Variants in CCDC122 observed in about 807,000 individuals in gnomAD.
CCDC122 encodes the protein coiled-coil domain containing 122, also known as coiled-coil domain-containing protein 122.
In CCDC122, 38 loss-of-function variants were observed where a neutral mutation model predicts 37.0. The observed-to-expected ratio is 1.03, with a 90% confidence interval of 0.79 to 1.35. CCDC122 has a LOEUF of 1.35. CCDC122 is among the 40% of genes most tolerant of loss of function. CCDC122 has a pLI of 0.00. For missense variants in CCDC122, 305 were observed against 310.0 expected (o/e 0.98, Z 0.12); for synonymous variants, 83 against 95.6 (o/e 0.87, Z 0.77).
At chr13:43,848,958 T>C (rs1953633240) in intron 6 of CCDC122, 1 of 963,494 alleles carries the variant, frequency 1.0e-6, no homozygotes, top group Non-Finnish European at 1.2e-6. Context: ...AAAAACTGGT[T>C]GTTTTGAGAA....
At chr13:43,864,410 C>A (rs1954208441) in intron 4 of CCDC122, among the ~76,000 whole-genome samples, 1 of 152,074 alleles carries the variant, frequency 6.6e-6, no homozygotes, top group African/African-American at 2.4e-5. Context: ...GCCCATGATT[C>A]TGATGGCTGG....
intron 6 of CCDC122, among the ~76,000 whole-genome samples, chr13:43,847,886 C>T (rs1158584678): frequency 6.6e-6 from 1 of 152,112 alleles, no homozygotes; most frequent in East Asian, 1.9e-4. Context: ...GCAATCCTTC[C>T]ACCTCAGCCT....
chr13:43,846,502 G>A (rs1228151650), intron 6 of CCDC122, among the ~76,000 whole-genome samples: 1 of 152,148 alleles, frequency 6.6e-6, no homozygotes, highest in African/African-American at 2.4e-5. Context: ...AATTACTGGT[G>A]GATCATCTTG....
intron 1 of CCDC122, 136 bp from the exon 2 acceptor site, chr13:43,875,063 A>G (rs1954568004): frequency 6.6e-6 from 1 of 152,224 alleles, no homozygotes; most frequent in Non-Finnish European, 1.5e-5. Context: ...ATGTATAGAC[A>G]GTACTGGACT....
At chr13:43,865,069 GC>G (rs1052656190) in intron 4 of CCDC122, among the ~76,000 whole-genome samples, 6 of 152,006 alleles carry the variant, frequency 3.9e-5, no homozygotes, top group Non-Finnish European at 8.8e-5. Context: ...CTCCTTGCAG[GC>G]CCCCTCCCAC....
intron 1 of CCDC122, among the ~76,000 whole-genome samples, chr13:43,876,416 G>A (rs1954612673): frequency 6.6e-6 from 1 of 152,140 alleles, no homozygotes; most frequent in Admixed American, 6.5e-5. Context: ...TCCCTTAATA[G>A]CCAGGCACTA....
intron 6 of CCDC122, among the ~76,000 whole-genome samples, 171 bp from the exon 7 acceptor site, chr13:43,837,600 T>C (rs755679010): frequency 6.7e-6 from 1 of 149,670 alleles, no homozygotes; most frequent in African/African-American, 2.6e-5. Context: ...TCAACACTTA[T>C]TACATGTTAG....
intron 3 of CCDC122, among the ~76,000 whole-genome samples, chr13:43,828,964 G>A (rs933217903): frequency 6.6e-6 from 1 of 152,112 alleles, no homozygotes; most frequent in African/African-American, 2.4e-5. Flanking sequence ...GGCAAAAAAG[G>A]TTATATTGAC....
At chr13:43,847,959 G>A (rs1339741902) in intron 6 of CCDC122, among the ~76,000 whole-genome samples, 1 of 152,130 alleles carries the variant, frequency 6.6e-6, no homozygotes, top group Non-Finnish European at 1.5e-5. Flanking sequence ...ATTTTTAGTA[G>A]AGACAGTGTT....
chr13:43,847,772 G>A (rs1953592602), intron 6 of CCDC122, among the ~76,000 whole-genome samples: 1 of 151,894 alleles, frequency 6.6e-6, no homozygotes, highest in South Asian at 2.1e-4. Flanking sequence ...TGCTTCTCTG[G>A]GTTTTTCTTT....
chr13:43,825,205 G>A (rs1953028277), intron 3 of CCDC122, among the ~76,000 whole-genome samples: 1 of 152,138 alleles, frequency 6.6e-6, no homozygotes, highest in Non-Finnish European at 1.5e-5. Context: ...TATACACCAT[G>A]GAATACTATG....
downstream of CCDC122, among the ~76,000 whole-genome samples, chr13:43,822,111 G>A (rs12873099): frequency 0.36 from 55,106 of 152,090 alleles, 12,325 homozygotes; most frequent in Non-Finnish European, 0.51. Context: ...TGCAGTCTGG[G>A]CTGGTTTGTG....
chr13:43,853,388 A>C (rs112933935), intron 6 of CCDC122, among the ~76,000 whole-genome samples: 7,497 of 152,268 alleles, frequency 0.049, 375 homozygotes, highest in African/African-American at 0.12. Context: ...TTTAAAAAGA[A>C]AAAGAAGGGC....
chr13:43,836,380 TC>T lies in CCDC122; in HGVS notation c.*899del, dbSNP rs1953160428. 1 of 152,280 alleles carries T rather than the reference TC, an allele frequency of 6.6e-6. No homozygotes were observed. Among genetic ancestry groups the T allele is most frequent in the South Asian group, 2.1e-4 (1 of 4,824 alleles). 9.4% of individuals were successfully genotyped at this position (152,280 alleles called of 1,614,324 possible). On this transcript the variant is annotated 3_prime_UTR_variant, in exon 7 of 7. Coordinates refer to ENST00000444614, the MANE Select transcript of CCDC122 (RefSeq NM_144974.5). ...ATAGAAAGTGAACAAAATATTTTAT[TC>T]ATCGTATCACTCAAAATATGTTATT...
At chr13:43,856,856 T>C (rs1273921207) in intron 6 of CCDC122, among the ~76,000 whole-genome samples, 7 of 152,206 alleles carry the variant, frequency 4.6e-5, no homozygotes. Context: ...AATGCCAACA[T>C]AAATATATGT....
downstream of CCDC122, among the ~76,000 whole-genome samples, chr13:43,821,082 T>C (rs1245434198): frequency 6.6e-6 from 1 of 152,164 alleles, no homozygotes; most frequent in South Asian, 2.1e-4. Context: ...TGTTTTAGGA[T>C]TTTTTTCTTT....
chr13:43,841,265 T>G (rs778229474), intron 6 of CCDC122, among the ~76,000 whole-genome samples: 44 of 152,236 alleles, frequency 2.9e-4, no homozygotes, highest in Admixed American at 4.6e-4. Flanking sequence ...GGTGGAGAAT[T>G]GTTTGGACAT....
At chr13:43,828,788 A>C (rs1451979197) in intron 3 of CCDC122, among the ~76,000 whole-genome samples, 1 of 152,176 alleles carries the variant, frequency 6.6e-6, no homozygotes, top group Non-Finnish European at 1.5e-5. Context: ...TAAATAAATA[A>C]ATTTAGTTCT....
At chr13:43,867,143 T>A in intron 4 of CCDC122, among the ~76,000 whole-genome samples, 1 of 152,278 alleles carries the variant, frequency 6.6e-6, no homozygotes, top group Non-Finnish European at 1.5e-5. Context: ...GATACTGGAT[T>A]ATAATAAGTG....
Sources: allele counts gnomAD v4.1 joint callset (sites outside exome capture counted in the v4.1 genomes callset), GRCh38; gene constraint gnomAD v4.1.1; transcripts MANE v1.5; gene names NCBI Gene and HGNC (gene_info 2026-07-23, HGNC 2026-07-21).